CNTNAP5: variants seen among roughly 807,000 people sequenced by gnomAD.
CNTNAP5 encodes contactin associated protein family member 5, also known as contactin-associated protein-like 5.
CNTNAP5 carries 72 observed loss-of-function variants against 150.2 expected under a neutral mutation model. That is an observed-to-expected ratio of 0.48 (90% confidence interval 0.40 to 0.58). CNTNAP5 has a LOEUF of 0.58. CNTNAP5 is among the 20% of genes least tolerant of loss of function. The pLI is 0.00. For missense variants in CNTNAP5, 1,636 were observed against 1,626.2 expected, an observed-to-expected ratio of 1.01 and a Z score of -0.10; for synonymous variants, 672 against 619.8, an observed-to-expected ratio of 1.08 and a Z score of -1.25.
intron 3 of CNTNAP5, among the ~76,000 whole-genome samples, chr2:124,324,606 T>C (rs1168342734): frequency 6.6e-6 from 1 of 152,086 alleles, no homozygotes; most frequent in African/African-American, 2.4e-5. Context: ...CAAAGGAAGT[T>C]CAAAGGTGAA....
chr2:124,036,146 G>A (rs1280195792), intron 1 of CNTNAP5, among the ~76,000 whole-genome samples: 1 of 150,302 alleles, frequency 6.7e-6, no homozygotes, highest in African/African-American at 2.4e-5. Flanking sequence ...GGATGGTCTC[G>A]ATCTCCTGAC....
chr2:124,356,857 T>A (rs2104708544), intron 3 of CNTNAP5, among the ~76,000 whole-genome samples: 1 of 151,724 alleles, frequency 6.6e-6, no homozygotes, highest in African/African-American at 2.4e-5. Flanking sequence ...GTATTTCTAG[T>A]TCTAGATCCC....
At chr2:124,271,701 C>CTATCATCTATCT (rs200397448) in intron 3 of CNTNAP5, among the ~76,000 whole-genome samples, 12 of 114,848 alleles carry the variant, frequency 1.0e-4, no homozygotes, top group African/African-American at 1.7e-4. Flanking sequence ...ATCTATCTAT[C>CTATCATCTATCT]ATCTATCTAT....
At chr2:124,823,920 T>TC (rs1200537864) in intron 19 of CNTNAP5, among the ~76,000 whole-genome samples, 2 of 149,550 alleles carry the variant, frequency 1.3e-5, no homozygotes, top group African/African-American at 5.1e-5. Context: ...GATTTTTTTT[T>TC]TCTTTTTTTT....
Position 124,242,389 on chromosome 2 carries a change from T to A in CNTNAP5, c.377T>A (p.Ile126Asn), listed in dbSNP as rs1158282499. 6.2e-7 allele frequency: 1 copy of A among 1,612,404 alleles called. No homozygotes were observed. Among genetic ancestry groups the A allele is most frequent in the Non-Finnish European group, 8.5e-7 (1 of 1,179,168 alleles). The change falls in exon 3 of 24, where the codon ATC becomes AAC. Residue 126 changes from isoleucine to asparagine, a missense_variant. Ile to Asn is a moderately radical substitution (Grantham distance 149). Coordinates refer to ENST00000682447, the MANE Select transcript of CNTNAP5 (RefSeq NM_001367498.1). ...AAACAGTACAAACAAGAAGACAGCA[T>A]CTGGGTAGGACATCTTTTTCCTTCC... ...NWKQYKQEDSIWTFAGNMNAD... is the reference protein window; with the variant it reads ...NWKQYKQEDSNWTFAGNMNAD...
At chr2:124,850,833 T>C (rs961649893) in intron 19 of CNTNAP5, among the ~76,000 whole-genome samples, 10 of 152,144 alleles carry the variant, frequency 6.6e-5, no homozygotes, top group Non-Finnish European at 1.5e-4. Flanking sequence ...TGTGACTGTA[T>C]TGAATACTAA....
At chr2:124,850,354 A>T (rs1161641360) in intron 19 of CNTNAP5, among the ~76,000 whole-genome samples, 1 of 152,194 alleles carries the variant, frequency 6.6e-6, no homozygotes, top group Non-Finnish European at 1.5e-5. Context: ...GGAAAATGAG[A>T]TGTGGATAGA....
At chr2:124,179,298 T>C (rs1573815040) in intron 1 of CNTNAP5, among the ~76,000 whole-genome samples, 2 of 152,108 alleles carry the variant, frequency 1.3e-5, no homozygotes, top group East Asian at 3.9e-4. Context: ...TAGCTGGGAT[T>C]ACAGGCATGT....
At chr2:124,031,632 C>A (rs1037283628) in intron 1 of CNTNAP5, among the ~76,000 whole-genome samples, 2 of 152,128 alleles carry the variant, frequency 1.3e-5, no homozygotes, top group African/African-American at 4.8e-5. Flanking sequence ...TTGTTCCTAA[C>A]AGAGGAAGCC....
intron 3 of CNTNAP5, among the ~76,000 whole-genome samples, chr2:124,301,307 C>A (rs1206787372): frequency 1.3e-5 from 2 of 152,156 alleles, no homozygotes; most frequent in Non-Finnish European, 2.9e-5. Flanking sequence ...AACTATCATG[C>A]CTTTCACAAT....
intron 3 of CNTNAP5, among the ~76,000 whole-genome samples, chr2:124,306,870 G>A (rs1688706895): frequency 6.6e-6 from 1 of 151,806 alleles, no homozygotes; most frequent in African/African-American, 2.4e-5. Context: ...TGGGATTACA[G>A]GTGCCTGCCA....
intron 13 of CNTNAP5, among the ~76,000 whole-genome samples, chr2:124,736,476 G>A (rs368961970): frequency 6.6e-6 from 1 of 152,102 alleles, no homozygotes; most frequent in Non-Finnish European, 1.5e-5. Context: ...TACTAACCAG[G>A]TTCAATCAGA....
chr2:124,698,966 C>T (rs1266500995), intron 13 of CNTNAP5, among the ~76,000 whole-genome samples: 9 of 152,246 alleles, frequency 5.9e-5, no homozygotes, highest in African/African-American at 2.2e-4. Context: ...TGATGATGGA[C>T]ATGTTCTATT....
chr2:124,596,027 C>CT (rs1446283539), intron 11 of CNTNAP5, among the ~76,000 whole-genome samples: 3 of 111,156 alleles, frequency 2.7e-5, no homozygotes. Context: ...ATTCTTCTCT[C>CT]TTTTTTTCTT....
At chr2:124,632,214 T>C (rs940892279) in intron 12 of CNTNAP5, among the ~76,000 whole-genome samples, 1 of 152,122 alleles carries the variant, frequency 6.6e-6, no homozygotes, top group Non-Finnish European at 1.5e-5. Context: ...ATATGCCCAG[T>C]GGAATGTAAA....
chr2:124,871,022 C>A (rs1407925200), intron 21 of CNTNAP5, among the ~76,000 whole-genome samples: 2 of 152,056 alleles, frequency 1.3e-5, no homozygotes, highest in African/African-American at 4.8e-5. Flanking sequence ...GTTGGAAGAA[C>A]CAATCAACAC....
chr2:124,216,811 C>T (rs1686168535), intron 1 of CNTNAP5, among the ~76,000 whole-genome samples: 1 of 152,092 alleles, frequency 6.6e-6, no homozygotes, highest in Admixed American at 6.6e-5. Context: ...TGAGTTGGTT[C>T]CAAGTCTTTG....
chr2:124,713,684 T>C (rs1679887560), intron 13 of CNTNAP5, among the ~76,000 whole-genome samples: 1 of 151,780 alleles, frequency 6.6e-6, no homozygotes, highest in South Asian at 2.1e-4. Flanking sequence ...CCATAACGTG[T>C]TTCTTATTTC....
At chr2:124,025,804 T>A in intron 1 of CNTNAP5, 72 bp downstream of exon 1, 1 of 1,215,512 alleles carries the variant, frequency 8.2e-7, no homozygotes, top group Non-Finnish European at 1.2e-6. Flanking sequence ...ATCAACTATC[T>A]AAGCGTACTC....
Sources: gnomAD v4.1 joint callset for allele counts (sites outside exome capture counted in the v4.1 genomes callset) on GRCh38, gnomAD v4.1.1 for gene constraint, MANE v1.5 for transcripts, NCBI Gene and HGNC (gene_info 2026-07-23, HGNC 2026-07-21) for gene names.